The following GSS variants were observed in gnomAD, a reference collection of about 807,000 sequenced individuals.
GSS encodes GSH synthetase.
Under a neutral mutation model 60.4 loss-of-function variants are expected in GSS, and 34 were observed. The ratio of observed to expected loss-of-function variants is 0.56; its 90% CI spans 0.43 to 0.75. The LOEUF (loss-of-function observed/expected upper bound fraction) is 0.75. GSS is among the 30% of genes least tolerant of loss of function. The pLI, the probability that GSS is intolerant of heterozygous loss-of-function variation, is 0.00. For missense variants in GSS, 499 were observed against 595.1 expected, an observed-to-expected ratio of 0.84 and a Z score of 1.68; for synonymous variants, 224 against 239.0, an observed-to-expected ratio of 0.94 and a Z score of 0.58.
chr20:34,939,642 C>T lies in GSS; in HGVS notation c.608+2071G>A, dbSNP rs535588659. On this transcript the variant is annotated intron_variant, in intron 6 of 12. Transcript: ENST00000651619. The stretch of plus-strand genomic sequence containing the variant: ...AAAACTAATACTTGTCAAATGATAG[C>T]TATTATTATTATTATTTGGGTTTGT... Among the ~76,000 whole-genome samples, 163 of 150,462 alleles carry T rather than the reference C, an allele frequency of 1.1e-3. 1 individual carries two copies. Among genetic ancestry groups the T allele is most frequent in the Admixed American group, 1.3e-3 (20 of 15,068 alleles).
rs930523814 is a variant in GSS, at chr20:34,936,831, A to T, written c.699T>A (p.His233Gln). 1.2e-6 allele frequency: 2 copies of T among 1,613,952 alleles called. No homozygotes were observed. The highest frequency in any genetic ancestry group is 1.1e-5 in the South Asian group (1 of 91,082). ...TATCTTCAAATGTTCGTCGGATCAC[A>T]TGGATGTTCCTGGGAAAAATGGGCA... ...IENELLARNI[H>Q]VIRRTFEDIS... is the part of the protein sequence containing the mutation. The change falls in exon 8 of 13, where the codon CAT becomes CAA. Residue 233 changes from histidine (H) to glutamine (Q), a missense_variant. Transcript: ENST00000651619.
In GSS at chr20:34,929,424, C is replaced by G; in HGVS notation, c.1278G>C (p.Leu426=). ...PARVVQCISE[L]GIFGVYVRQE... ...ACCTGACATAGACCCCAAAGATGCC[C>G]AGCTCTGAAATGCACTGGACCACTC... Residue 426 remains leucine (L), a synonymous_variant, in exon 12 of 13, where the codon CTG becomes CTC. Transcript: ENST00000651619. 6.2e-7 allele frequency: 1 copy of G among 1,614,116 alleles called. No individual in the cohort carries two copies. The highest frequency in any genetic ancestry group is 8.5e-7 in the Non-Finnish European group (1 of 1,179,994).
intron 12 of GSS, 112 bp downstream of exon 12, chr20:34,929,288 TG>T: frequency 1.1e-6 from 1 of 935,226 alleles, no homozygotes; most frequent in Non-Finnish European, 1.8e-6. Flanking sequence ...TTGGCAGAGC[TG>T]GCACCGAAGC....
intron 1 of GSS, chr20:34,955,026 C>T (rs2081609807): frequency 6.6e-6 from 1 of 152,202 alleles, no homozygotes; most frequent in Admixed American, 6.5e-5. Flanking sequence ...ATATGTTGGC[C>T]TCTGTCCCCC....
intron 9 of GSS, among the ~76,000 whole-genome samples, chr20:34,933,307 T>C (rs1395987700): frequency 6.6e-6 from 1 of 152,166 alleles, no homozygotes; most frequent in Non-Finnish European, 1.5e-5. Context: ...TGTTGCTGAA[T>C]AAGTTGAAAT....
chr20:34,933,113 T>C (rs989767776), intron 9 of GSS, among the ~76,000 whole-genome samples: 2 of 152,184 alleles, frequency 1.3e-5, no homozygotes, highest in African/African-American at 4.8e-5. Flanking sequence ...CCCAAAGTGC[T>C]GGGATTACAG....
chr20:34,940,454 A>C (rs959065868), intron 6 of GSS, among the ~76,000 whole-genome samples: 1 of 151,996 alleles, frequency 6.6e-6, no homozygotes, highest in Non-Finnish European at 1.5e-5. Flanking sequence ...TAGCAAGGAC[A>C]GAGAGGCTCC....
intron 2 of GSS, among the ~76,000 whole-genome samples, chr20:34,949,160 C>A (rs534506279): frequency 2.4e-4 from 37 of 152,236 alleles, no homozygotes; most frequent in Non-Finnish European, 4.0e-4. Context: ...TTACTCTGTA[C>A]TGAATACCCT....
intron 2 of GSS, chr20:34,946,502 C>T (rs1034530505): frequency 6.4e-6 from 1 of 157,316 alleles, no homozygotes; most frequent in African/African-American, 2.4e-5. Context: ...AAATTATATT[C>T]AGCTAGGAAC....
rs1265314835 is a variant in GSS at position 34,935,624 on chromosome 20, A to G, written c.786T>C (p.Ala262=). 3 of 1,613,182 alleles carry G rather than the reference A, an allele frequency of 1.9e-6. No homozygotes were observed. Among genetic ancestry groups the G allele is most frequent in the South Asian group, 2.2e-5 (2 of 91,064 alleles). The change falls in exon 9 of 13, where the codon GCT becomes GCC. Residue 262 remains alanine (A), a synonymous_variant. Coordinates refer to ENST00000651619, the MANE Select transcript of GSS (RefSeq NM_000178.4). Reference sequence around the variant, plus strand: ...TGTAGCCATCCCGGAAGTAAACCACAGCAATTTCCTGGCCATCCCTGGAAC... The same window carrying G: ...TGTAGCCATCCCGGAAGTAAACCACGGCAATTTCCTGGCCATCCCTGGAAC... ...RRLFVDGQEI[A]VVYFRDGYMP...
intron 3 of GSS, among the ~76,000 whole-genome samples, chr20:34,945,553 T>G (rs1267311816): frequency 1.3e-5 from 2 of 152,020 alleles, no homozygotes; most frequent in South Asian, 2.1e-4. Flanking sequence ...AAGTAGAAAA[T>G]CTGACTTTAA....
intron 11 of GSS, among the ~76,000 whole-genome samples, chr20:34,930,755 T>C (rs2081394865): frequency 6.6e-6 from 1 of 152,138 alleles, no homozygotes; most frequent in Admixed American, 6.5e-5. Context: ...CAGTATATAT[T>C]CAAGGCCCTT....
intron 1 of GSS, among the ~76,000 whole-genome samples, chr20:34,953,099 C>G (rs556500444): frequency 6.6e-6 from 1 of 152,320 alleles, no homozygotes; most frequent in African/African-American, 2.4e-5. Context: ...CAGAGGTGTA[C>G]AAACTCACAC....
chr20:34,938,091 CAG>C (rs2081454755), intron 6 of GSS, among the ~76,000 whole-genome samples: 1 of 152,118 alleles, frequency 6.6e-6, no homozygotes, highest in Non-Finnish European at 1.5e-5. Context: ...CTCCTGACCT[CAG>C]GTGATCTGCC....
chr20:34,928,836 G>A lies in GSS; in HGVS notation c.1417C>T (p.Pro473Ser). 1.2e-6 allele frequency: 2 copies of A among 1,614,090 alleles called. No homozygotes were observed. Among genetic ancestry groups the A allele is most frequent in the Non-Finnish European group, 1.7e-6 (2 of 1,180,008 alleles). The change falls in exon 13 of 13, where the codon CCT becomes TCT. Residue 473 changes from proline (P) to serine (S), a missense_variant. Transcript: ENST00000651619. Reference protein sequence around the residue: ...AGVAVLDNPYPV With the variant: ...AGVAVLDNPYSV ...GTGGCCTGGTTGTGCCCTCACACAG[G>A]GTATGGGTTGTCCAGGACTGCCACT...
chr20:34,950,641 T>C (rs575095265), intron 2 of GSS, among the ~76,000 whole-genome samples: 132 of 150,396 alleles, frequency 8.8e-4, no homozygotes, highest in African/African-American at 3.0e-3. Flanking sequence ...TAGTGGCACA[T>C]GCCTGTAGTC....
intron 2 of GSS, among the ~76,000 whole-genome samples, chr20:34,950,748 A>G (rs2081562774): frequency 6.6e-6 from 1 of 152,142 alleles, no homozygotes; most frequent in South Asian, 2.1e-4. Context: ...CAGCCTGGGC[A>G]ACAGAGCGAG....
At chr20:34,939,545 A>C (rs2081466943) in intron 6 of GSS, among the ~76,000 whole-genome samples, 1 of 152,190 alleles carries the variant, frequency 6.6e-6, no homozygotes, top group African/African-American at 2.4e-5. Context: ...GATGAATTCT[A>C]TACTTACCGG....
intron 1 of GSS, chr20:34,952,416 G>A (rs2081576293): frequency 6.2e-6 from 1 of 161,784 alleles, no homozygotes; most frequent in Non-Finnish European, 1.4e-5. Context: ...AGGCCTGATG[G>A]GAAGGAGGGG....
Sources: allele counts gnomAD v4.1 joint callset (sites outside exome capture counted in the v4.1 genomes callset), GRCh38; gene constraint gnomAD v4.1.1; transcripts MANE v1.5; gene names NCBI Gene and HGNC (gene_info 2026-07-23, HGNC 2026-07-21).